Variants in P4HA2 observed in about 807,000 individuals in gnomAD.
P4HA2 encodes the protein prolyl 4-hydroxylase subunit alpha 2.
A neutral mutation model predicts 76.9 loss-of-function variants in P4HA2; 46 were observed. The observed-to-expected ratio is 0.60, with a 90% CI of 0.47 to 0.76. The LOEUF is 0.76. Among genes scored for constraint, P4HA2 ranks in the 30% least tolerant of loss-of-function variants. P4HA2 has a pLI of 0.00. For missense variants in P4HA2, 583 were observed against 669.4 expected, an observed-to-expected ratio of 0.87 and a Z score of 1.42; for synonymous variants, 243 against 254.0, an observed-to-expected ratio of 0.96 and a Z score of 0.41.
chr5:132,224,901 T>A (rs1163867367), intron 1 of P4HA2, among the ~76,000 whole-genome samples: 1 of 152,050 alleles, frequency 6.6e-6, no homozygotes, highest in African/African-American at 2.4e-5. Flanking sequence ...TGCTGGCCTG[T>A]TACCAGGCTC....
chr5:132,210,531 A>C lies in P4HA2; in HGVS notation c.470-8T>G. On this transcript the variant is annotated splice_region_variant and splice_polypyrimidine_tract_variant and intron_variant, in intron 5 of 14. Coordinates refer to ENST00000360568, the MANE Select transcript of P4HA2 (RefSeq NM_001017974.2). ...TTGCCTGGTACTTGGTTCCTACAGCAGGGGAAGTAAATTGTCAGGCTCCAA... is the reference window on the plus strand; with the variant it reads ...TTGCCTGGTACTTGGTTCCTACAGCCGGGGAAGTAAATTGTCAGGCTCCAA... The C allele has an allele frequency of 6.2e-7, 1 of 1,613,902 alleles. No homozygotes were observed. The highest frequency in any genetic ancestry group is 2.2e-5 in the East Asian group (1 of 44,872).
In P4HA2 at chr5:132,198,400, T is replaced by C; in HGVS notation, c.1306-20A>G. Reference sequence around the variant, plus strand: ...AGGTCGCTGCAACAGACAACAACTTTCACCCAAGTTTACAACAGGCTTCAT... The same window carrying C: ...AGGTCGCTGCAACAGACAACAACTTCCACCCAAGTTTACAACAGGCTTCAT... On this transcript the variant is annotated intron_variant, in intron 11 of 14. Transcript: ENST00000360568. 1 of 1,611,774 alleles carries C rather than the reference T, an allele frequency of 6.2e-7. No individual in the cohort carries two copies. The highest frequency in any genetic ancestry group is 8.5e-7 in the Non-Finnish European group (1 of 1,179,436).
intron 10 of P4HA2, chr5:132,200,985 G>A (rs1281756992): frequency 2.0e-5 from 3 of 152,244 alleles, no homozygotes; most frequent in Admixed American, 1.3e-4. Context: ...ATTTGCAGCA[G>A]TAAGATTCCC....
intron 14 of P4HA2, 162 bp from the exon 15 acceptor site, chr5:132,193,242 A>G: frequency 1.7e-6 from 1 of 590,254 alleles, no homozygotes; most frequent in Non-Finnish European, 3.1e-6. Context: ...GGTAAGGAAG[A>G]CACATGTAAA....
At position 132,203,855 on chromosome 5, in the gene P4HA2, A is replaced by G. The variant is rs144378276; in HGVS notation, c.1152-8T>C. 3.1e-4 allele frequency: 501 copies of G among 1,604,652 alleles called. 4 individuals carry two copies. In the African/African-American group the frequency reaches 5.9e-3, roughly 19 times the overall value. ...TCTTCCTCTAGCCAGGAGCTGGGCA[A>G]AAAGAAAAGGGCAGAGAAAAGAAGA... On this transcript the variant is annotated splice_polypyrimidine_tract_variant and splice_region_variant and intron_variant, in intron 9 of 14. Coordinates refer to ENST00000360568, the MANE Select transcript of P4HA2 (RefSeq NM_001017974.2).
intron 8 of P4HA2, among the ~76,000 whole-genome samples, chr5:132,206,079 C>T (rs1320898977): frequency 6.6e-6 from 1 of 152,094 alleles, no homozygotes; most frequent in Non-Finnish European, 1.5e-5. Flanking sequence ...AACATGTTTG[C>T]CAACCTTGTT....
rs1215615327 is a variant in P4HA2, at chr5:132,198,889, T to A, written c.1295A>T (p.Asp432Val). ...GVGGQYEPHF[D>V]FSRRPFDSGL... ...TGATTTAGGCCTTACCCTAGAGAAG[T>A]CGAAGTGCGGTTCATACTGTCCTCC... is the stretch of plus-strand genomic sequence containing the variant. Residue 432 changes from aspartate (D) to valine (V), a missense_variant, in exon 11 of 15, where the codon GAC becomes GTC. Physicochemically the swap from Asp to Val is radical, Grantham distance 152 (BLOSUM62 -3). Coordinates refer to ENST00000360568, the MANE Select transcript of P4HA2 (RefSeq NM_001017974.2). The A allele has an allele frequency of 6.2e-7, 1 of 1,611,770 alleles. No homozygotes were observed. Among genetic ancestry groups the A allele is most frequent in the Non-Finnish European group, 8.5e-7 (1 of 1,177,890 alleles).
chr5:132,218,062 G>C (rs1416193044), intron 2 of P4HA2: 1 of 503,352 alleles, frequency 2.0e-6, no homozygotes. Flanking sequence ...AGGCACCAAG[G>C]GGATGTTTGA....
intron 4 of P4HA2, among the ~76,000 whole-genome samples, chr5:132,216,137 C>T (rs1238661909): frequency 2.3e-5 from 3 of 130,366 alleles, no homozygotes; most frequent in African/African-American, 8.7e-5. Flanking sequence ...ACACTCCAGC[C>T]TGGTGACAGA....
chr5:132,194,914 TA>T lies in P4HA2; in HGVS notation c.1531+11del. 4 of 1,589,368 alleles carry T rather than the reference TA, an allele frequency of 2.5e-6. No individual in the cohort carries two copies. Among genetic ancestry groups the T allele is most frequent in the African/African-American group, 1.3e-5 (1 of 74,562 alleles). On this transcript the variant is annotated intron_variant, in intron 14 of 14. Coordinates refer to ENST00000360568, the MANE Select transcript of P4HA2 (RefSeq NM_001017974.2). The stretch of plus-strand genomic sequence containing the variant: ...GGCCACCAACACCAACACTACCCCT[TA>T]AGACACTCACCCCACTTGCAGCCCA...
intron 5 of P4HA2, 119 bp from the exon 6 acceptor site, chr5:132,210,642 C>T (rs1419374445): frequency 8.2e-6 from 8 of 977,890 alleles, no homozygotes; most frequent in Admixed American, 3.5e-5. Flanking sequence ...AGAACTCCAT[C>T]GGACATTTAG....
intron 1 of P4HA2, among the ~76,000 whole-genome samples, chr5:132,221,844 C>T (rs1036319878): frequency 6.6e-6 from 1 of 152,224 alleles, no homozygotes; most frequent in Non-Finnish European, 1.5e-5. Flanking sequence ...GAAAGTCCTG[C>T]AAAACCTGCC....
chr5:132,208,506 C>A (rs1209350298), intron 7 of P4HA2, among the ~76,000 whole-genome samples: 1 of 149,498 alleles, frequency 6.7e-6, no homozygotes, highest in East Asian at 2.0e-4. Context: ...TAACACCCCA[C>A]AAATCATGCA....
chr5:132,217,541 A>G (rs1754085285), intron 3 of P4HA2, 193 bp from the exon 4 acceptor site: 1 of 640,056 alleles, frequency 1.6e-6, no homozygotes, highest in Non-Finnish European at 2.8e-6. Flanking sequence ...GGGACCCCCA[A>G]TGTAAGGGAA....
At chr5:132,225,284 T>G (rs1043279471) in intron 1 of P4HA2, among the ~76,000 whole-genome samples, 3 of 152,050 alleles carry the variant, frequency 2.0e-5, no homozygotes, top group Non-Finnish European at 2.9e-5. Context: ...CCTGCCAACT[T>G]CCATCTGCAT....
In P4HA2 at chr5:132,203,796, C is replaced by G. The variant is rs769347795; in HGVS notation, c.1203G>C (p.Arg401=). Reference sequence around the variant, plus strand: ...CTGTTAACCCTGTGATATGCTGCATCCGACGATTTACTCGGGCCACAACAG... The same window carrying G: ...CTGTTAACCCTGTGATATGCTGCATGCGACGATTTACTCGGGCCACAACAG... ...DDPVVARVNR[R]MQHITGLTVK... Residue 401 remains arginine (R), a synonymous_variant, in exon 10 of 15, where the codon CGG becomes CGC. Coordinates refer to ENST00000360568, the MANE Select transcript of P4HA2 (RefSeq NM_001017974.2). 1.9e-6 allele frequency: 3 copies of G among 1,613,760 alleles called. No homozygotes were observed. The African/African-American group carries it at 4.0e-5, about 22-fold the overall frequency.
intron 4 of P4HA2, among the ~76,000 whole-genome samples, chr5:132,214,319 T>C (rs1753557048): frequency 6.6e-6 from 1 of 152,118 alleles, no homozygotes; most frequent in Non-Finnish European, 1.5e-5. Flanking sequence ...TGGTTAATAT[T>C]TAGGAGTCCA....
At chr5:132,207,571 T>C (rs960671143) in intron 8 of P4HA2, 137 bp downstream of exon 8, 2 of 667,140 alleles carry the variant, frequency 3.0e-6, no homozygotes, top group African/African-American at 3.6e-5. Flanking sequence ...GAAGCATCTC[T>C]GTATCCCCAC....
chr5:132,227,488 T>C (rs1173991363), intron 1 of P4HA2: 1 of 151,798 alleles, frequency 6.6e-6, no homozygotes, highest in Non-Finnish European at 1.5e-5. Flanking sequence ...AGCGGCCAAG[T>C]TCCCAGCCCC....
Sources: allele counts gnomAD v4.1 joint callset (sites outside exome capture counted in the v4.1 genomes callset), GRCh38; gene constraint gnomAD v4.1.1; transcripts MANE v1.5; gene names NCBI Gene and HGNC (gene_info 2026-07-23, HGNC 2026-07-21).